The following SLC35F3 variants were observed in gnomAD, a reference collection of about 807,000 sequenced individuals.
SLC35F3 encodes the protein putative thiamine transporter SLC35F3.
SLC35F3 carries 25 observed loss-of-function variants against 49.9 expected under a neutral mutation model. The ratio of observed to expected loss-of-function variants is 0.50; its 90% confidence interval spans 0.37 to 0.70. SLC35F3 has a LOEUF of 0.70. Among genes scored for constraint, SLC35F3 ranks in the 30% least tolerant of loss-of-function variants. The pLI, the probability that SLC35F3 is intolerant of heterozygous loss-of-function variation, is 0.00. For synonymous variants in SLC35F3, 275 were observed against 265.4 expected (o/e 1.04, Z -0.35); for missense variants, 525 against 639.8 (o/e 0.82, Z 1.94).
intron 2 of SLC35F3, among the ~76,000 whole-genome samples, chr1:234,078,166 T>C (rs1191859126): frequency 6.6e-6 from 1 of 152,202 alleles, no homozygotes; most frequent in Non-Finnish European, 1.5e-5. Context: ...TCCTTTAGGT[T>C]CCTTTCCTCT....
At chr1:234,190,880 G>A (rs536255466) in intron 2 of SLC35F3, among the ~76,000 whole-genome samples, 15 of 152,238 alleles carry the variant, frequency 9.9e-5, no homozygotes, top group Non-Finnish European at 1.6e-4. Flanking sequence ...AGGGATGAAC[G>A]TAGAAATGGT....
rs536931256 is a variant in SLC35F3 at position 234,141,733 on chromosome 1, C to G, written c.284-89684C>G. ...CATCAGAGTTCTGCCCATCGGACCA[C>G]TTGCTAAGTCCTCTCTACCTCCCAC... is the stretch of plus-strand genomic sequence containing the variant. On this transcript the variant is annotated intron_variant, in intron 2 of 7. Coordinates refer to ENST00000366618, the MANE Select transcript of SLC35F3 (RefSeq NM_173508.4). 2.0e-5 allele frequency among the ~76,000 whole-genome samples: 3 copies of G among 152,310 alleles called. No homozygotes were observed. The East Asian group carries it at 5.8e-4, about 29-fold the overall frequency.
At chr1:234,192,939 A>C (rs1211717020) in intron 2 of SLC35F3, among the ~76,000 whole-genome samples, 2 of 152,218 alleles carry the variant, frequency 1.3e-5, no homozygotes, top group Non-Finnish European at 2.9e-5. Flanking sequence ...TGCTGAAAGA[A>C]ATCATAGACA....
chr1:234,294,867 C>T (rs1340577640), intron 3 of SLC35F3, among the ~76,000 whole-genome samples: 1 of 151,250 alleles, frequency 6.6e-6, no homozygotes, highest in Non-Finnish European at 1.5e-5. Context: ...GGGAGGGAGG[C>T]ACAGAATATT....
intron 1 of SLC35F3, 72 bp from the exon 2 acceptor site, chr1:233,905,457 C>T (rs909821138): frequency 1.2e-5 from 14 of 1,163,108 alleles, no homozygotes; most frequent in South Asian, 1.2e-4. Context: ...GGGATCTGCT[C>T]CTCACGAATC....
At chr1:234,099,706 C>T (rs2102881728) in intron 2 of SLC35F3, among the ~76,000 whole-genome samples, 1 of 152,030 alleles carries the variant, frequency 6.6e-6, no homozygotes, top group South Asian at 2.1e-4. Context: ...CATTCTCTTC[C>T]AACACAGCCA....
chr1:233,916,992 A>G (rs544387988), intron 2 of SLC35F3, among the ~76,000 whole-genome samples: 1 of 152,374 alleles, frequency 6.6e-6, no homozygotes, highest in South Asian at 2.1e-4. Flanking sequence ...TCAGTCATCA[A>G]ATAATCCACG....
At chr1:234,191,509 T>C (rs1005007853) in intron 2 of SLC35F3, among the ~76,000 whole-genome samples, 1 of 151,500 alleles carries the variant, frequency 6.6e-6, no homozygotes, top group African/African-American at 2.4e-5. Flanking sequence ...AAAGCACAAA[T>C]AGGCAATCTA....
chr1:234,108,285 T>TTA (rs59253152), intron 2 of SLC35F3, among the ~76,000 whole-genome samples: 5,041 of 40,420 alleles, frequency 0.12, 806 homozygotes, highest in East Asian at 0.34. Context: ...TATATATTAT[T>TTA]TATATATAAA....
chr1:234,083,777 A>G (rs1403541259), intron 2 of SLC35F3, among the ~76,000 whole-genome samples: 2 of 151,906 alleles, frequency 1.3e-5, no homozygotes, highest in Non-Finnish European at 2.9e-5. Flanking sequence ...GAGTGGGAAA[A>G]GCATTGTGAG....
At chr1:234,282,960 C>A (rs957231359) in intron 3 of SLC35F3, among the ~76,000 whole-genome samples, 1 of 152,172 alleles carries the variant, frequency 6.6e-6, no homozygotes, top group African/African-American at 2.4e-5. Flanking sequence ...AGAAAGAGAA[C>A]CTGGAGAACT....
At chr1:233,993,146 T>C (rs1663392382) in intron 2 of SLC35F3, among the ~76,000 whole-genome samples, 3 of 152,186 alleles carry the variant, frequency 2.0e-5, no homozygotes, top group Admixed American at 6.5e-5. Flanking sequence ...TTTATATTTT[T>C]AGTAGAGACG....
At chr1:234,067,225 G>A (rs933449361) in intron 2 of SLC35F3, among the ~76,000 whole-genome samples, 26 of 152,038 alleles carry the variant, frequency 1.7e-4, no homozygotes, top group African/African-American at 6.3e-4. Context: ...CAACTTAGGG[G>A]TTTATATTTG....
At chr1:233,970,435 G>A (rs1303566154) in intron 2 of SLC35F3, among the ~76,000 whole-genome samples, 2 of 152,184 alleles carry the variant, frequency 1.3e-5, no homozygotes, top group African/African-American at 4.8e-5. Context: ...GCCAGACTGG[G>A]TTAAGATTTG....
chr1:234,056,845 T>A (rs1664463180), intron 2 of SLC35F3, among the ~76,000 whole-genome samples: 2 of 152,186 alleles, frequency 1.3e-5, no homozygotes, highest in South Asian at 4.1e-4. Context: ...TTGTGTATGA[T>A]GTGAGAAAGG....
intron 2 of SLC35F3, among the ~76,000 whole-genome samples, chr1:234,072,315 A>G (rs1664726607): frequency 6.6e-6 from 1 of 152,182 alleles, no homozygotes; most frequent in Non-Finnish European, 1.5e-5. Context: ...TTCAGATGCA[A>G]ACATAATTTT....
chr1:234,308,500 G>A (rs538499553), intron 3 of SLC35F3, among the ~76,000 whole-genome samples: 71 of 152,100 alleles, frequency 4.7e-4, no homozygotes, highest in African/African-American at 1.6e-3. Context: ...GTTAGTGTTA[G>A]TGTAGTTTGT....
chr1:234,264,208 A>G (rs1667947468), intron 3 of SLC35F3, among the ~76,000 whole-genome samples: 1 of 152,202 alleles, frequency 6.6e-6, no homozygotes, highest in African/African-American at 2.4e-5. Context: ...TCCAAATACC[A>G]TTCACCACAC....
At chr1:233,912,485 A>G (rs1035207703) in intron 2 of SLC35F3, among the ~76,000 whole-genome samples, 1 of 120,894 alleles carries the variant, frequency 8.3e-6, no homozygotes, top group African/African-American at 2.6e-5. Flanking sequence ...ACAAAAACAA[A>G]CAAACAAAGA....
Sources: allele counts gnomAD v4.1 joint callset (sites outside exome capture counted in the v4.1 genomes callset), GRCh38; gene constraint gnomAD v4.1.1; transcripts MANE v1.5; gene names NCBI Gene and HGNC (gene_info 2026-07-23, HGNC 2026-07-21).